The following MEI4 variants were observed in gnomAD, a reference collection of about 807,000 sequenced individuals.
MEI4 encodes meiosis-specific protein MEI4.
In MEI4, 27 loss-of-function variants were observed where a neutral mutation model predicts 31.4. The observed-to-expected ratio is 0.86, with a 90% confidence interval of 0.63 to 1.19. MEI4 has a LOEUF of 1.19. Ranked by LOEUF, MEI4 falls within the 50% of genes most tolerant of loss-of-function variation. MEI4 has a pLI of 0.00. For synonymous variants in MEI4, 122 were observed against 145.4 expected (o/e 0.84, Z 1.16); for missense variants, 329 against 398.9 (o/e 0.82, Z 1.49).
chr6:77,655,016 C>A (rs1768366928), intron 1 of MEI4, among the ~76,000 whole-genome samples: 1 of 152,026 alleles, frequency 6.6e-6, no homozygotes, highest in Non-Finnish European at 1.5e-5. Flanking sequence ...CTGCACCCAT[C>A]AACCCATCAT....
chr6:77,853,014 C>G (rs892715625), intron 4 of MEI4, among the ~76,000 whole-genome samples: 5 of 152,110 alleles, frequency 3.3e-5, no homozygotes, highest in African/African-American at 1.2e-4. Context: ...GCCTGACCAA[C>G]ATGGAAAAAC....
rs1582238849 is a variant in MEI4, at chr6:77,870,931, G to C, written c.900+41869G>C. Among the ~76,000 whole-genome samples the C allele has an allele frequency of 2.6e-5, 4 of 152,118 alleles. No individual in the cohort carries two copies. The South Asian group carries it at 8.3e-4, about 32-fold the overall frequency. Reference sequence around the variant, plus strand: ...AAATATACCAGTGTAGGTTTGGTTTGAGGGAGATTTTCTGGTAATTCTGCA... The same window carrying C: ...AAATATACCAGTGTAGGTTTGGTTTCAGGGAGATTTTCTGGTAATTCTGCA... On this transcript the variant is annotated intron_variant, in intron 4 of 4. Coordinates refer to ENST00000684080, the MANE Select transcript of MEI4 (RefSeq NM_001322247.2).
intron 4 of MEI4, among the ~76,000 whole-genome samples, chr6:77,844,463 G>C (rs9343678): frequency 0.14 from 21,969 of 152,066 alleles, 1,873 homozygotes; most frequent in East Asian, 0.4. Flanking sequence ...TTTCAACAAT[G>C]TTCTGAAGAT....
chr6:77,901,038 G>A (rs1766177705), intron 4 of MEI4, among the ~76,000 whole-genome samples: 2 of 151,748 alleles, frequency 1.3e-5, no homozygotes, highest in African/African-American at 2.4e-5. Flanking sequence ...CAAATGACAG[G>A]ATTTTCTTTT....
Position 77,736,176 on chromosome 6 carries a change from C to G in MEI4, c.233-24954C>G, listed in dbSNP as rs868402794. Among the ~76,000 whole-genome samples the G allele has an allele frequency of 5.2e-4, 79 of 152,200 alleles. 4 individuals carry two copies. Among genetic ancestry groups the G allele is most frequent in the African/African-American group, 1.4e-3 (58 of 41,468 alleles). Reference sequence around the variant, plus strand: ...GTGGGCTCCACCGGGTTCGAGCTTCCAGGCTGCTTTGTTTACCCTAAGCAA... The same window carrying G: ...GTGGGCTCCACCGGGTTCGAGCTTCGAGGCTGCTTTGTTTACCCTAAGCAA... On this transcript the variant is annotated intron_variant, in intron 2 of 4. Transcript: ENST00000684080.
chr6:77,906,532 A>G (rs950748895), intron 4 of MEI4, among the ~76,000 whole-genome samples: 2 of 152,344 alleles, frequency 1.3e-5, no homozygotes, highest in Middle Eastern at 3.4e-3. Flanking sequence ...CTTTAATAAC[A>G]ATCACTACTA....
intron 2 of MEI4, among the ~76,000 whole-genome samples, chr6:77,699,827 A>G (rs534580818): frequency 1.3e-5 from 2 of 152,140 alleles, no homozygotes; most frequent in East Asian, 1.9e-4. Context: ...GGTCTGTTGG[A>G]GTTTGCTGGA....
rs191735647 is a variant in MEI4 at position 77,735,891 on chromosome 6, C to G, written c.233-25239C>G. 3.4e-3 allele frequency among the ~76,000 whole-genome samples: 515 copies of G among 151,350 alleles called. 6 individuals carry two copies. The highest frequency in any genetic ancestry group is 0.012 in the African/African-American group (501 of 41,312). On this transcript the variant is annotated intron_variant, in intron 2 of 4. Transcript: ENST00000684080. ...GCTGCAGGTCTGTTGGAGTACCCGGCCGTGTGAGGTGTCAGTCTGCCCCTG... is the reference window on the plus strand; with the variant it reads ...GCTGCAGGTCTGTTGGAGTACCCGGGCGTGTGAGGTGTCAGTCTGCCCCTG...
Position 77,692,923 on chromosome 6 carries a change from A to C in MEI4, c.232+2020A>C, listed in dbSNP as rs1047371340. On this transcript the variant is annotated intron_variant, in intron 2 of 4. Transcript: ENST00000684080. ...GATCTGTTGGATTTAAGGAATAGTGAAGTTACTGCTGTAGATGAGACTCAA... is the reference window on the plus strand; with the variant it reads ...GATCTGTTGGATTTAAGGAATAGTGCAGTTACTGCTGTAGATGAGACTCAA... Among the ~76,000 whole-genome samples the C allele has an allele frequency of 2.6e-5, 4 of 152,002 alleles. No homozygotes were observed. In the East Asian group the frequency reaches 5.8e-4, roughly 22 times the overall value.
intron 4 of MEI4, among the ~76,000 whole-genome samples, chr6:77,918,172 C>A (rs1452510694): frequency 1.3e-5 from 2 of 151,746 alleles, no homozygotes; most frequent in South Asian, 2.1e-4. Flanking sequence ...TTACTGTAGC[C>A]TTGTAGTATA....
At chr6:77,814,826 T>A (rs1451871165) in intron 3 of MEI4, among the ~76,000 whole-genome samples, 1 of 152,154 alleles carries the variant, frequency 6.6e-6, no homozygotes, top group East Asian at 1.9e-4. Flanking sequence ...AAGTCATCTT[T>A]GGAGAAAGGC....
intron 3 of MEI4, among the ~76,000 whole-genome samples, chr6:77,765,580 C>T (rs1223167667): frequency 4.0e-5 from 5 of 126,332 alleles, no homozygotes; most frequent in African/African-American, 1.5e-4. Context: ...CCCCACCCCA[C>T]AACAGTCCCT....
chr6:77,713,674 G>T (rs1244911117), intron 2 of MEI4, among the ~76,000 whole-genome samples: 2 of 152,258 alleles, frequency 1.3e-5, no homozygotes, highest in Non-Finnish European at 2.9e-5. Flanking sequence ...GATTTTGTGA[G>T]TTACATTAAT....
At chr6:77,846,921 G>C (rs535507826) in intron 4 of MEI4, among the ~76,000 whole-genome samples, 1 of 152,156 alleles carries the variant, frequency 6.6e-6, no homozygotes, top group South Asian at 2.1e-4. Flanking sequence ...TTTTTAGGCT[G>C]TGCATTACAT....
In MEI4 at chr6:77,677,892, C is replaced by G. The variant is rs9448131; in HGVS notation, c.-14-12766C>G. On this transcript the variant is annotated intron_variant, in intron 1 of 4. Transcript: ENST00000684080. ...TTATTTTCTTTTATTTTCTGTATTT[C>G]AGTAATATTTGTAAGGAGGTGATAC... Among the ~76,000 whole-genome samples, 1,226 of 152,166 alleles carry G rather than the reference C, an allele frequency of 8.1e-3. 14 individuals carry two copies. The highest frequency in any genetic ancestry group is 0.027 in the African/African-American group (1,110 of 41,514).
intron 1 of MEI4, among the ~76,000 whole-genome samples, chr6:77,670,550 G>A (rs992527761): frequency 1.1e-4 from 16 of 152,036 alleles, no homozygotes; most frequent in South Asian, 4.1e-4. Flanking sequence ...CAGGATTATC[G>A]TGTGACCACA....
At position 77,923,482 on chromosome 6, in the gene MEI4, T is replaced by C. The variant is rs922783478; in HGVS notation, c.*136T>C. On this transcript the variant is annotated 3_prime_UTR_variant, in exon 5 of 5. Transcript: ENST00000684080. ...CTCTAAATATAATTATCAATTCAACTTAATGGTTAGTCTTAAATTGTATGA... is the reference window on the plus strand; with the variant it reads ...CTCTAAATATAATTATCAATTCAACCTAATGGTTAGTCTTAAATTGTATGA... 2.7e-6 allele frequency: 2 copies of C among 737,922 alleles called. No individual in the cohort carries two copies. Among genetic ancestry groups the C allele is most frequent in the Non-Finnish European group, 3.7e-6 (2 of 540,602 alleles). The allele number at this position is 737,922 out of a possible 1,614,324, so 45.7% of individuals were successfully genotyped here. A position where few individuals can be genotyped will look rare whatever the true frequency, so the allele number is the denominator to read the frequency against.
At chr6:77,794,291 C>T (rs192232418) in intron 3 of MEI4, among the ~76,000 whole-genome samples, 4 of 152,192 alleles carry the variant, frequency 2.6e-5, no homozygotes, top group South Asian at 4.1e-4. Flanking sequence ...AGGCCAGGCG[C>T]GGTGGCTGAA....
At chr6:77,657,390 G>A (rs1426464136) in intron 1 of MEI4, among the ~76,000 whole-genome samples, 4 of 152,150 alleles carry the variant, frequency 2.6e-5, no homozygotes, top group African/African-American at 4.8e-5. Flanking sequence ...CCTAGGATTG[G>A]AATCATATTC....
Sources: allele counts gnomAD v4.1 joint callset (sites outside exome capture counted in the v4.1 genomes callset), GRCh38; gene constraint gnomAD v4.1.1; transcripts MANE v1.5; gene names NCBI Gene and HGNC (gene_info 2026-07-23, HGNC 2026-07-21).